Variants in ST6GALNAC3 observed in about 807,000 individuals in gnomAD.
The protein encoded by ST6GALNAC3 is alpha-N-acetylgalactosaminide alpha-2,6-sialyltransferase 3.
In ST6GALNAC3, 25 loss-of-function variants were observed where a neutral mutation model predicts 32.7. That is an observed-to-expected ratio of 0.76 (90% CI 0.56 to 1.07). The LOEUF is 1.07. Ranked by LOEUF, ST6GALNAC3 falls within the 50% of genes least tolerant of loss-of-function variation. The pLI is 0.00. For missense variants in ST6GALNAC3, 355 were observed against 382.4 expected (o/e 0.93, Z 0.60); for synonymous variants, 129 against 133.1 (o/e 0.97, Z 0.21).
At chr1:76,556,343 T>C (rs536456000) in intron 3 of ST6GALNAC3, among the ~76,000 whole-genome samples, 38 of 152,262 alleles carry the variant, frequency 2.5e-4, no homozygotes, top group Non-Finnish European at 3.8e-4. Context: ...TCAACATTCA[T>C]GTACAAGTTT....
rs867082143 is a variant in ST6GALNAC3, at chr1:76,293,012, C to T, written c.19-20793C>T. On this transcript the variant is annotated intron_variant, in intron 1 of 4. Coordinates refer to ENST00000328299, the MANE Select transcript of ST6GALNAC3 (RefSeq NM_152996.4). ...CAAGTCTTCTCTGTGCCAGATTAAT[C>T]CCTAGTTCCCTAAATTAATTATTTT... Among the ~76,000 whole-genome samples, 11 of 152,104 alleles carry T rather than the reference C, an allele frequency of 7.2e-5. No homozygotes were observed. In the South Asian group the frequency reaches 2.1e-3, roughly 29 times the overall value.
chr1:76,333,648 T>G (rs1282777301), intron 2 of ST6GALNAC3, among the ~76,000 whole-genome samples: 2 of 152,240 alleles, frequency 1.3e-5, no homozygotes, highest in African/African-American at 4.8e-5. Context: ...CTTCAGTGAA[T>G]CTGGCTGTCC....
intron 1 of ST6GALNAC3, among the ~76,000 whole-genome samples, chr1:76,206,239 A>C (rs951850476): frequency 1.3e-5 from 2 of 152,160 alleles, no homozygotes; most frequent in African/African-American, 4.8e-5. Flanking sequence ...GATAAGTCTA[A>C]TTATACCTCT....
At chr1:76,207,279 CT>C (rs1394485744) in intron 1 of ST6GALNAC3, among the ~76,000 whole-genome samples, 1 of 152,242 alleles carries the variant, frequency 6.6e-6, no homozygotes, top group African/African-American at 2.4e-5. Context: ...GTGTTTCTCA[CT>C]GTGATGCTAG....
chr1:76,327,680 C>T lies in ST6GALNAC3; in HGVS notation c.213+13681C>T, dbSNP rs188338413. Among the ~76,000 whole-genome samples, 507 of 152,326 alleles carry T rather than the reference C, an allele frequency of 3.3e-3. 3 individuals carry two copies. The highest frequency in any genetic ancestry group is 0.012 in the African/African-American group (492 of 41,572). ...TCTCGGCTCACTGCAACCTCCACCT[C>T]CTGGGTTGAAGCAATTCTCCTGCCT... On this transcript the variant is annotated intron_variant, in intron 2 of 4. Coordinates refer to ENST00000328299, the MANE Select transcript of ST6GALNAC3 (RefSeq NM_152996.4).
At chr1:76,564,679 G>A (rs1241612670) in intron 3 of ST6GALNAC3, among the ~76,000 whole-genome samples, 3 of 149,072 alleles carry the variant, frequency 2.0e-5, no homozygotes, top group Non-Finnish European at 3.0e-5. Flanking sequence ...TCCGCCTCCC[G>A]GGTTCACGCC....
intron 1 of ST6GALNAC3, among the ~76,000 whole-genome samples, chr1:76,287,498 C>T (rs17098603): frequency 0.042 from 6,380 of 151,580 alleles, 435 homozygotes; most frequent in African/African-American, 0.15. Flanking sequence ...TCTCCCCAAC[C>T]GCCAAGATAA....
intron 1 of ST6GALNAC3, among the ~76,000 whole-genome samples, chr1:76,106,397 C>T (rs1324965020): frequency 1.3e-5 from 2 of 152,136 alleles, no homozygotes; most frequent in African/African-American, 2.4e-5. Context: ...TTGATAAATC[C>T]ACAAGATAAC....
intron 1 of ST6GALNAC3, among the ~76,000 whole-genome samples, chr1:76,162,317 A>T (rs1310999189): frequency 2.6e-5 from 4 of 152,218 alleles, no homozygotes; most frequent in Admixed American, 2.6e-4. Context: ...TTGCATGCGC[A>T]TTCTCCGTTG....
intron 3 of ST6GALNAC3, among the ~76,000 whole-genome samples, chr1:76,547,736 C>T (rs1664382455): frequency 6.6e-6 from 1 of 152,066 alleles, no homozygotes; most frequent in East Asian, 1.9e-4. Context: ...TGCCTGTACT[C>T]TCAGCTACTT....
At chr1:76,572,146 TC>T (rs1646710972) in intron 3 of ST6GALNAC3, among the ~76,000 whole-genome samples, 1 of 152,092 alleles carries the variant, frequency 6.6e-6, no homozygotes, top group African/African-American at 2.4e-5. Flanking sequence ...ATATTTTATG[TC>T]CAGGCAAATG....
chr1:76,363,174 T>G (rs1650102011), intron 2 of ST6GALNAC3, among the ~76,000 whole-genome samples: 1 of 152,238 alleles, frequency 6.6e-6, no homozygotes, highest in Non-Finnish European at 1.5e-5. Flanking sequence ...GGTAATTTCT[T>G]TGCTCACACA....
chr1:76,442,021 T>C (rs1438801708), intron 3 of ST6GALNAC3, among the ~76,000 whole-genome samples: 5 of 152,202 alleles, frequency 3.3e-5, no homozygotes, highest in Admixed American at 2.6e-4. Context: ...TAATAAATAC[T>C]AGTGTGCAGG....
intron 2 of ST6GALNAC3, among the ~76,000 whole-genome samples, chr1:76,365,386 T>C (rs1650288325): frequency 6.6e-6 from 1 of 152,212 alleles, no homozygotes; most frequent in African/African-American, 2.4e-5. Flanking sequence ...TGTTCACTAT[T>C]TGAGTGATGG....
intron 1 of ST6GALNAC3, among the ~76,000 whole-genome samples, chr1:76,293,832 A>T (rs968688903): frequency 6.6e-6 from 1 of 152,154 alleles, no homozygotes; most frequent in African/African-American, 2.4e-5. Flanking sequence ...GTTGCGAAAG[A>T]ACTGGTACAT....
At chr1:76,201,834 CA>C (rs1390553500) in intron 1 of ST6GALNAC3, among the ~76,000 whole-genome samples, 1 of 152,094 alleles carries the variant, frequency 6.6e-6, no homozygotes, top group African/African-American at 2.4e-5. Flanking sequence ...TACAAAAAGA[CA>C]AGACTATGTC....
intron 2 of ST6GALNAC3, among the ~76,000 whole-genome samples, chr1:76,316,587 G>GA (rs1002708978): frequency 7.3e-5 from 11 of 150,042 alleles, no homozygotes; most frequent in African/African-American, 2.4e-4. Flanking sequence ...ACTAAAAAAG[G>GA]AAAAAAAAAG....
chr1:76,423,561 G>A (rs1407660100), intron 3 of ST6GALNAC3, among the ~76,000 whole-genome samples: 1 of 151,926 alleles, frequency 6.6e-6, no homozygotes, highest in African/African-American at 2.4e-5. Context: ...ACCATGCAGA[G>A]CAGAGAACTG....
intron 1 of ST6GALNAC3, among the ~76,000 whole-genome samples, chr1:76,234,103 C>G (rs1423741114): frequency 6.6e-6 from 1 of 152,060 alleles, no homozygotes; most frequent in East Asian, 1.9e-4. Flanking sequence ...TGACTTATAC[C>G]CAGGTTTGTG....
Sources: allele counts gnomAD v4.1 joint callset (sites outside exome capture counted in the v4.1 genomes callset), GRCh38; gene constraint gnomAD v4.1.1; transcripts MANE v1.5; gene names NCBI Gene and HGNC (gene_info 2026-07-23, HGNC 2026-07-21).